Variants in TMEM135 observed in about 807,000 individuals in gnomAD.
TMEM135 encodes peroxisomal membrane protein 52.
TMEM135 carries 30 observed loss-of-function variants against 60.3 expected under a neutral mutation model. The observed-to-expected ratio is 0.50, with a 90% confidence interval of 0.37 to 0.68. The LOEUF (loss-of-function observed/expected upper bound fraction) is 0.68, where lower values mean the gene tolerates loss of function less well. Ranked by LOEUF, TMEM135 falls within the 30% of genes least tolerant of loss-of-function variation. The pLI, the probability that TMEM135 is intolerant of heterozygous loss-of-function variation, is 0.00. For missense variants in TMEM135, 468 were observed against 548.8 expected (o/e 0.85, Z 1.47); for synonymous variants, 190 against 186.7 (o/e 1.02, Z -0.14).
chr11:87,162,388 C>T (rs1938904998), intron 5 of TMEM135, among the ~76,000 whole-genome samples: 1 of 152,144 alleles, frequency 6.6e-6, no homozygotes, highest in African/African-American at 2.4e-5. Context: ...CAACGCCCGA[C>T]AGGCCCCAGT....
chr11:87,106,484 C>T lies in TMEM135; in HGVS notation c.396+15089C>T, dbSNP rs565200553. Among the ~76,000 whole-genome samples the T allele has an allele frequency of 7.0e-4, 106 of 152,220 alleles. 1 individual carries two copies. The highest frequency in any genetic ancestry group is 5.2e-3 in the East Asian group (27 of 5,188). On this transcript the variant is annotated intron_variant, in intron 4 of 14. Coordinates refer to ENST00000305494, the MANE Select transcript of TMEM135 (RefSeq NM_022918.4). ...GCTAGTATTTTGTTAAGGATTTTGGCATCTATGTTCATCAGGGATATTGGC... is the reference window on the plus strand; with the variant it reads ...GCTAGTATTTTGTTAAGGATTTTGGTATCTATGTTCATCAGGGATATTGGC...
intron 3 of TMEM135, among the ~76,000 whole-genome samples, chr11:87,090,639 A>G (rs1857186388): frequency 6.6e-6 from 1 of 152,172 alleles, no homozygotes; most frequent in Non-Finnish European, 1.5e-5. Context: ...GACATTTCCT[A>G]GAGAATAGAA....
At chr11:87,193,679 C>G (rs191073595) in intron 5 of TMEM135, among the ~76,000 whole-genome samples, 2 of 151,076 alleles carry the variant, frequency 1.3e-5, no homozygotes, top group African/African-American at 4.8e-5. Flanking sequence ...GAATTAAGAA[C>G]TCAGTTAGGT....
intron 4 of TMEM135, among the ~76,000 whole-genome samples, chr11:87,139,838 A>G (rs907896531): frequency 6.6e-6 from 1 of 152,094 alleles, no homozygotes; most frequent in Non-Finnish European, 1.5e-5. Flanking sequence ...ATTCATAAAT[A>G]TTTGTGTGTG....
At chr11:87,162,441 A>G (rs991248479) in intron 5 of TMEM135, among the ~76,000 whole-genome samples, 26 of 152,056 alleles carry the variant, frequency 1.7e-4, no homozygotes, top group Non-Finnish European at 3.4e-4. Flanking sequence ...CTCATTGTTC[A>G]ACTCCCATTT....
intron 5 of TMEM135, among the ~76,000 whole-genome samples, chr11:87,194,259 T>A (rs1410746553): frequency 6.6e-6 from 1 of 152,198 alleles, no homozygotes; most frequent in Non-Finnish European, 1.5e-5. Context: ...TTCTTGCACG[T>A]ATTCTTAAAA....
chr11:87,287,778 A>AT (rs1942194688), intron 6 of TMEM135, among the ~76,000 whole-genome samples: 1 of 152,198 alleles, frequency 6.6e-6, no homozygotes, highest in Non-Finnish European at 1.5e-5. Context: ...GTTTCAAAAA[A>AT]TTTCAGCCTA....
chr11:87,123,778 A>G (rs1054106265), intron 4 of TMEM135, among the ~76,000 whole-genome samples: 1 of 152,184 alleles, frequency 6.6e-6, no homozygotes, highest in East Asian at 1.9e-4. Context: ...TTGAGAATTA[A>G]CATTTATTGA....
chr11:87,319,315 C>T lies in TMEM135; in HGVS notation c.1182C>T (p.Val394=). Residue 394 remains valine, a synonymous_variant, in exon 14 of 15, where the codon GTC becomes GTT. Transcript: ENST00000305494. ...ISTAICFQAA[V]MEVQTLRPSY... ...TTCTCAAATTTAATACTCAGGCTGT[C>T]ATGGAAGTTCAGACTTTGAGACCAT... 1 of 1,612,464 alleles carries T rather than the reference C, an allele frequency of 6.2e-7. No homozygotes were observed. Among genetic ancestry groups the T allele is most frequent in the Admixed American group, 1.7e-5 (1 of 59,976 alleles).
intron 6 of TMEM135, among the ~76,000 whole-genome samples, chr11:87,237,516 G>A (rs917008489): frequency 3.3e-5 from 5 of 151,796 alleles, no homozygotes; most frequent in African/African-American, 1.2e-4. Flanking sequence ...GATATATTTG[G>A]TAGATATATT....
intron 5 of TMEM135, among the ~76,000 whole-genome samples, chr11:87,228,614 A>C (rs888130151): frequency 6.6e-6 from 1 of 152,138 alleles, no homozygotes; most frequent in Admixed American, 6.6e-5. Context: ...CTCACTAAGC[A>C]CCAATGTCTT....
chr11:87,188,951 A>G (rs1213261057), intron 5 of TMEM135, among the ~76,000 whole-genome samples: 1 of 152,124 alleles, frequency 6.6e-6, no homozygotes, highest in African/African-American at 2.4e-5. Context: ...CTTCATAACT[A>G]TAATTATTCC....
At chr11:87,301,985 G>A (rs1159281098) in intron 7 of TMEM135, among the ~76,000 whole-genome samples, 1 of 152,142 alleles carries the variant, frequency 6.6e-6, no homozygotes, top group African/African-American at 2.4e-5. Flanking sequence ...CTAGTGTGCT[G>A]CAGCTGTTTA....
intron 5 of TMEM135, among the ~76,000 whole-genome samples, chr11:87,170,533 A>G (rs1041543453): frequency 3.3e-5 from 5 of 152,046 alleles, no homozygotes; most frequent in African/African-American, 1.2e-4. Flanking sequence ...TTTCTTTCTA[A>G]CAGTCAGGCC....
At chr11:87,053,246 G>T (rs1949857232) in intron 1 of TMEM135, among the ~76,000 whole-genome samples, 1 of 150,452 alleles carries the variant, frequency 6.6e-6, no homozygotes, top group Non-Finnish European at 1.5e-5. Flanking sequence ...ACTCTTGTGA[G>T]TTATGACTTT....
rs183969366 is a variant in TMEM135 at position 87,075,932 on chromosome 11, A to G, written c.362+4317A>G. On this transcript the variant is annotated intron_variant, in intron 3 of 14. Transcript: ENST00000305494. ...TGTGCTGAACTGCTTGGAACTGAGC[A>G]TGAGGTGACACAAGCATCCCTGTGG... Among the ~76,000 whole-genome samples the G allele has an allele frequency of 1.5e-3, 225 of 152,174 alleles. 1 individual carries two copies. The highest frequency in any genetic ancestry group is 4.3e-3 in the African/African-American group (179 of 41,524).
At chr11:87,188,355 C>G (rs1939703998) in intron 5 of TMEM135, among the ~76,000 whole-genome samples, 1 of 152,122 alleles carries the variant, frequency 6.6e-6, no homozygotes, top group Non-Finnish European at 1.5e-5. Flanking sequence ...GTTTTATTCA[C>G]CCTCTTTTTA....
intron 1 of TMEM135, among the ~76,000 whole-genome samples, chr11:87,066,225 A>C (rs1856648557): frequency 6.6e-6 from 1 of 152,100 alleles, no homozygotes; most frequent in Non-Finnish European, 1.5e-5. Context: ...CTCCTTCCCT[A>C]TTATGTTCTA....
chr11:87,321,666 A>T lies in TMEM135; in HGVS notation c.*333A>T. ...CAAGAGTACACTTAAAATTACTTTAAAAGATGTCTTTAGTTCATTCCAATA... is the reference window on the plus strand; with the variant it reads ...CAAGAGTACACTTAAAATTACTTTATAAGATGTCTTTAGTTCATTCCAATA... On this transcript the variant is annotated 3_prime_UTR_variant, in exon 15 of 15. Transcript: ENST00000305494. The T allele has an allele frequency of 2.0e-6, 1 of 489,328 alleles. No homozygotes were observed. Among genetic ancestry groups the T allele is most frequent in the Non-Finnish European group, 4.0e-6 (1 of 251,332 alleles). 30.3% of individuals were successfully genotyped at this position (489,328 alleles called of 1,614,324 possible).
Sources: gnomAD v4.1 joint callset for allele counts (sites outside exome capture counted in the v4.1 genomes callset) on GRCh38, gnomAD v4.1.1 for gene constraint, MANE v1.5 for transcripts, NCBI Gene and HGNC (gene_info 2026-07-23, HGNC 2026-07-21) for gene names.